The following GPC6 variants were observed in gnomAD, a reference collection of about 807,000 sequenced individuals.
GPC6 encodes glypican-6.
In GPC6, 14 loss-of-function variants were observed where a neutral mutation model predicts 55.2. That is an observed-to-expected ratio of 0.25 (90% CI 0.17 to 0.40). The LOEUF is 0.40. Among genes scored for constraint, GPC6 ranks in the 10% least tolerant of loss-of-function variants. The pLI is 1.00. For missense variants in GPC6, 641 were observed against 708.5 expected, an observed-to-expected ratio of 0.90 and a Z score of 1.08; for synonymous variants, 278 against 259.6, an observed-to-expected ratio of 1.07 and a Z score of -0.68.
intron 3 of GPC6, among the ~76,000 whole-genome samples, chr13:93,844,103 C>A (rs1321925858): frequency 3.3e-5 from 5 of 152,058 alleles, no homozygotes; most frequent in Admixed American, 3.3e-4. Context: ...CTTGCAAAGT[C>A]TCCTTTAAGC....
At chr13:93,327,509 G>A (rs996520234) in intron 1 of GPC6, among the ~76,000 whole-genome samples, 6 of 152,034 alleles carry the variant, frequency 3.9e-5, no homozygotes, top group Admixed American at 2.0e-4. Context: ...TTTCAGTCTC[G>A]TTAATAGATT....
chr13:93,820,500 C>G (rs1398737379), intron 2 of GPC6, among the ~76,000 whole-genome samples: 1 of 151,270 alleles, frequency 6.6e-6, no homozygotes, highest in African/African-American at 2.4e-5. Context: ...GAAAATAATT[C>G]TCCTTGTTTT....
intron 1 of GPC6, among the ~76,000 whole-genome samples, chr13:93,299,443 C>T (rs1878601541): frequency 6.6e-6 from 1 of 152,190 alleles, no homozygotes; most frequent in African/African-American, 2.4e-5. Flanking sequence ...GCTAAAATGA[C>T]TTCCATGAAT....
chr13:94,193,079 G>A (rs1002735220), intron 4 of GPC6, among the ~76,000 whole-genome samples: 4 of 126,814 alleles, frequency 3.2e-5, no homozygotes, highest in African/African-American at 8.4e-5. Flanking sequence ...GTGTGTGTGT[G>A]TGTGTGTGTG....
At chr13:94,129,590 C>G (rs943991462) in intron 4 of GPC6, among the ~76,000 whole-genome samples, 1 of 152,150 alleles carries the variant, frequency 6.6e-6, no homozygotes, top group Admixed American at 6.6e-5. Context: ...TGGGTAATAG[C>G]TCCTCCTGTT....
chr13:94,033,969 G>T (rs779076340), intron 4 of GPC6, among the ~76,000 whole-genome samples: 1 of 152,014 alleles, frequency 6.6e-6, no homozygotes, highest in African/African-American at 2.4e-5. Flanking sequence ...TAGAGGACTC[G>T]CATTTGCCCT....
intron 2 of GPC6, among the ~76,000 whole-genome samples, chr13:93,607,848 A>G (rs1022912332): frequency 1.3e-5 from 2 of 152,118 alleles, no homozygotes; most frequent in African/African-American, 4.8e-5. Context: ...GGGACTTACC[A>G]GTATCCCACT....
At chr13:93,468,848 A>C (rs1220521614) in intron 1 of GPC6, among the ~76,000 whole-genome samples, 2 of 152,246 alleles carry the variant, frequency 1.3e-5, no homozygotes, top group Non-Finnish European at 2.9e-5. Flanking sequence ...AATTTGTCAA[A>C]GTAAACCACT....
chr13:93,566,043 T>C (rs540265386), intron 2 of GPC6, among the ~76,000 whole-genome samples: 2 of 152,224 alleles, frequency 1.3e-5, no homozygotes, highest in East Asian at 1.9e-4. Context: ...CTTTTGATGA[T>C]ACGTGGCCTT....
chr13:93,911,537 G>A (rs74928032), intron 3 of GPC6, among the ~76,000 whole-genome samples: 1,562 of 152,250 alleles, frequency 0.01, 23 homozygotes, highest in East Asian at 0.072. Context: ...GACAATAGCA[G>A]CCTGGAAGCA....
intron 4 of GPC6, among the ~76,000 whole-genome samples, chr13:94,215,271 A>G (rs1160315644): frequency 6.6e-6 from 1 of 152,130 alleles, no homozygotes; most frequent in Non-Finnish European, 1.5e-5. Flanking sequence ...TTGTGAAAAT[A>G]AAGGGCTTCT....
intron 4 of GPC6, among the ~76,000 whole-genome samples, chr13:94,211,408 G>A (rs944665044): frequency 2.0e-5 from 3 of 152,102 alleles, no homozygotes; most frequent in African/African-American, 7.2e-5. Flanking sequence ...GTCAGTATAA[G>A]AACGTAAAGA....
chr13:93,912,058 T>C (rs141748180), intron 3 of GPC6, among the ~76,000 whole-genome samples: 67 of 152,278 alleles, frequency 4.4e-4, no homozygotes, highest in African/African-American at 1.5e-3. Context: ...GAGAGCTTTA[T>C]CCTGTAGTGC....
At chr13:94,115,973 A>G (rs1886418179) in intron 4 of GPC6, among the ~76,000 whole-genome samples, 1 of 152,098 alleles carries the variant, frequency 6.6e-6, no homozygotes, top group African/African-American at 2.4e-5. Flanking sequence ...GTATTGCCCC[A>G]TACCTATTTC....
chr13:94,235,673 G>A (rs1300678665), intron 4 of GPC6, among the ~76,000 whole-genome samples: 1 of 151,962 alleles, frequency 6.6e-6, no homozygotes, highest in Admixed American at 6.6e-5. Context: ...ACATATTCAA[G>A]CTCTCTGAAA....
intron 2 of GPC6, among the ~76,000 whole-genome samples, chr13:93,680,540 A>C (rs1014860443): frequency 6.6e-6 from 1 of 152,218 alleles, no homozygotes; most frequent in Non-Finnish European, 1.5e-5. Context: ...GAGAGATAGC[A>C]GATGTGACTG....
chr13:93,284,355 G>A (rs192278245), intron 1 of GPC6, among the ~76,000 whole-genome samples: 26 of 152,256 alleles, frequency 1.7e-4, no homozygotes, highest in Non-Finnish European at 2.8e-4. Flanking sequence ...TCCTTTTAGA[G>A]GCTTATGAAG....
intron 2 of GPC6, among the ~76,000 whole-genome samples, chr13:93,668,575 C>T (rs1197855562): frequency 6.6e-6 from 1 of 152,106 alleles, no homozygotes; most frequent in Non-Finnish European, 1.5e-5. Flanking sequence ...ACAAGCACTC[C>T]TCTAAGAGAC....
rs75163432 is a variant in GPC6 at position 93,393,829 on chromosome 13, G to A, written c.161-151434G>A. ...ACACTTTCTCTCCATCCCTGCCCAC[G>A]CTCTCTTAAGAGTTGTGGTTCATAG... On this transcript the variant is annotated intron_variant, in intron 1 of 8. Coordinates refer to ENST00000377047, the MANE Select transcript of GPC6 (RefSeq NM_005708.5). Among the ~76,000 whole-genome samples the A allele has an allele frequency of 4.1e-3, 625 of 151,860 alleles. 13 individuals are homozygous for A. Among genetic ancestry groups the A allele is most frequent in the African/African-American group, 0.013 (555 of 41,422 alleles).
Sources: allele counts gnomAD v4.1 joint callset (sites outside exome capture counted in the v4.1 genomes callset), GRCh38; gene constraint gnomAD v4.1.1; transcripts MANE v1.5; gene names NCBI Gene and HGNC (gene_info 2026-07-23, HGNC 2026-07-21).